The following UNC13C variants were observed in gnomAD, a reference collection of about 807,000 sequenced individuals.
UNC13C encodes the protein unc-13 homolog C.
Under a neutral mutation model 245.4 loss-of-function variants are expected in UNC13C, and 174 were observed. The observed-to-expected ratio is 0.71, with a 90% confidence interval of 0.63 to 0.80. The LOEUF is 0.80. Ranked by LOEUF, UNC13C falls within the 30% of genes least tolerant of loss-of-function variation. UNC13C has a pLI of 0.00. For synonymous variants in UNC13C, 992 were observed against 895.1 expected (o/e 1.11, Z -1.93); for missense variants, 2,829 against 2,602.9 (o/e 1.09, Z -1.89).
At chr15:54,407,929 C>T (rs542586062) in intron 18 of UNC13C, among the ~76,000 whole-genome samples, 15 of 151,818 alleles carry the variant, frequency 9.9e-5, no homozygotes, top group South Asian at 6.2e-4. Context: ...GGGCGGGGTG[C>T]GGTGGCTCAC....
chr15:54,080,272 T>A (rs1255467758), intron 2 of UNC13C, among the ~76,000 whole-genome samples: 3 of 152,032 alleles, frequency 2.0e-5, no homozygotes. Flanking sequence ...GATACTGACC[T>A]ATAGTTTTCT....
chr15:54,583,208 A>G (rs1306975186), intron 30 of UNC13C, among the ~76,000 whole-genome samples: 1 of 152,220 alleles, frequency 6.6e-6, no homozygotes, highest in African/African-American at 2.4e-5. Context: ...ACTGCAAACT[A>G]TAACCATAGG....
At chr15:54,385,823 T>A (rs2039826038) in intron 17 of UNC13C, among the ~76,000 whole-genome samples, 1 of 152,062 alleles carries the variant, frequency 6.6e-6, no homozygotes, top group Admixed American at 6.6e-5. Flanking sequence ...ATGTACCCCA[T>A]AAATTTGTAA....
chr15:54,400,665 TTCA>T (rs2040162883), intron 18 of UNC13C, among the ~76,000 whole-genome samples: 1 of 152,202 alleles, frequency 6.6e-6, no homozygotes, highest in African/African-American at 2.4e-5. Context: ...TGAAAATTTC[TTCA>T]TCAACCTTTC....
At chr15:54,424,523 TGAG>T (rs567566809) in intron 19 of UNC13C, among the ~76,000 whole-genome samples, 34 of 151,970 alleles carry the variant, frequency 2.2e-4, no homozygotes, top group African/African-American at 7.9e-4. Context: ...GGCTGCAAAT[TGAG>T]GAGAAGGGGA....
chr15:54,282,474 G>A (rs1376041514), intron 10 of UNC13C, among the ~76,000 whole-genome samples: 1 of 152,142 alleles, frequency 6.6e-6, no homozygotes, highest in East Asian at 1.9e-4. Context: ...TGTGGGACCT[G>A]TGGCCAGACC....
chr15:54,626,801 C>T (rs760328700), intron 32 of UNC13C, 27 bp from the exon 33 acceptor site: 34 of 1,586,168 alleles, frequency 2.1e-5, no homozygotes, highest in Non-Finnish European at 2.9e-5. Flanking sequence ...AGTTTTTGCT[C>T]AAAATTTGTA....
At chr15:54,388,017 C>G (rs2039873433) in intron 17 of UNC13C, among the ~76,000 whole-genome samples, 1 of 152,092 alleles carries the variant, frequency 6.6e-6, no homozygotes, top group South Asian at 2.1e-4. Context: ...ATACCACAGT[C>G]CCTTTGGCCT....
chr15:54,228,439 A>G (rs1342575499), intron 4 of UNC13C, among the ~76,000 whole-genome samples: 1 of 152,114 alleles, frequency 6.6e-6, no homozygotes, highest in Non-Finnish European at 1.5e-5. Context: ...CCCCATTGCC[A>G]TCACAGCTGG....
chr15:54,083,269 G>T (rs1229109294), intron 2 of UNC13C, among the ~76,000 whole-genome samples: 2 of 152,154 alleles, frequency 1.3e-5, no homozygotes, highest in African/African-American at 2.4e-5. Context: ...TTGGCTCCCA[G>T]CTGCAGTGTG....
the UNC13C span, among the ~76,000 whole-genome samples, chr15:53,890,177 C>A: frequency 8.0e-5 from 12 of 149,170 alleles, no homozygotes; most frequent in Admixed American, 8.1e-4. Context: ...ATTCTCACTG[C>A]GTCACCCAGG....
chr15:54,191,468 C>T lies in UNC13C; in HGVS notation c.3072-43562C>T, dbSNP rs528927503. 1.7e-4 allele frequency among the ~76,000 whole-genome samples: 26 copies of T among 152,148 alleles called. No individual in the cohort carries two copies. The South Asian group carries it at 3.7e-3, about 22-fold the overall frequency. On this transcript the variant is annotated intron_variant, in intron 4 of 32. Coordinates refer to ENST00000260323, the MANE Select transcript of UNC13C (RefSeq NM_001080534.3). The stretch of plus-strand genomic sequence containing the variant: ...TCTATCATTGATGGGCATTTGAGTT[C>T]GTTCCAAGTCTTTGCTATTGTGAAC...
At chr15:53,972,955 A>C in the UNC13C span, among the ~76,000 whole-genome samples, 230 of 152,198 alleles carry the variant, frequency 1.5e-3, 1 homozygote, top group African/African-American at 5.1e-3. Flanking sequence ...TCTAATGTAC[A>C]TAAGACATTT....
intron 1 of UNC13C, among the ~76,000 whole-genome samples, chr15:53,983,528 G>C (rs1435694890): frequency 1.3e-5 from 2 of 151,982 alleles, no homozygotes; most frequent in African/African-American, 4.8e-5. Context: ...CCTAAAATTA[G>C]AAGATTTTGC....
intron 2 of UNC13C, among the ~76,000 whole-genome samples, chr15:54,137,888 G>T (rs369328925): frequency 9.2e-5 from 14 of 151,676 alleles, no homozygotes; most frequent in African/African-American, 3.4e-4. Context: ...GTTTGGTTTT[G>T]TATCTAGTTC....
chr15:54,446,778 T>G (rs1263873721), intron 19 of UNC13C, among the ~76,000 whole-genome samples: 1 of 152,126 alleles, frequency 6.6e-6, no homozygotes, highest in Non-Finnish European at 1.5e-5. Flanking sequence ...TGAACGCCCT[T>G]TATTTCTTTC....
chr15:54,277,880 T>A (rs998506241), intron 10 of UNC13C, among the ~76,000 whole-genome samples: 4 of 152,216 alleles, frequency 2.6e-5, no homozygotes, highest in African/African-American at 9.6e-5. Flanking sequence ...TGGGGGAAAT[T>A]AAGTAGCTGA....
At chr15:54,622,012 G>A (rs188114823) in intron 30 of UNC13C, among the ~76,000 whole-genome samples, 3 of 152,206 alleles carry the variant, frequency 2.0e-5, no homozygotes, top group African/African-American at 7.2e-5. Context: ...ATCCTTGTGT[G>A]CAAGAAATGA....
chr15:53,944,642 C>T, the UNC13C span, among the ~76,000 whole-genome samples: 2 of 152,180 alleles, frequency 1.3e-5, no homozygotes, highest in Non-Finnish European at 2.9e-5. Context: ...TATATACGTA[C>T]CACATTTTCT....
Sources: gnomAD v4.1 joint callset for allele counts (sites outside exome capture counted in the v4.1 genomes callset) on GRCh38, gnomAD v4.1.1 for gene constraint, MANE v1.5 for transcripts, NCBI Gene and HGNC (gene_info 2026-07-23, HGNC 2026-07-21) for gene names.